Variants in PALM2AKAP2 observed in about 807,000 individuals in gnomAD.
PALM2AKAP2 encodes PALM2-AKAP2 fusion protein.
A neutral mutation model predicts 71.5 loss-of-function variants in PALM2AKAP2; 37 were observed. That is an observed-to-expected ratio of 0.52 (90% confidence interval 0.40 to 0.68). PALM2AKAP2 has a LOEUF of 0.68. Ranked by LOEUF, PALM2AKAP2 falls within the 30% of genes least tolerant of loss-of-function variation. The pLI, the probability that PALM2AKAP2 is intolerant of heterozygous loss-of-function variation, is 0.00. For synonymous variants in PALM2AKAP2, 468 were observed against 478.8 expected, an observed-to-expected ratio of 0.98 and a Z score of 0.29; for missense variants, 1,224 against 1,191.8, an observed-to-expected ratio of 1.03 and a Z score of -0.40.
Position 109,804,964 on chromosome 9 carries a change from T to C in PALM2AKAP2, c.45+24431T>C, listed in dbSNP as rs185359746. On this transcript the variant is annotated intron_variant, in intron 1 of 9. Transcript: ENST00000302798. Reference sequence around the variant, plus strand: ...TTTATATATTTGTAGTTATGCTCTCTATAAATTTTGCATCAAGCTTTTTTC... The same window carrying C: ...TTTATATATTTGTAGTTATGCTCTCCATAAATTTTGCATCAAGCTTTTTTC... 9.2e-5 allele frequency among the ~76,000 whole-genome samples: 14 copies of C among 152,334 alleles called. 1 individual carries two copies. Among genetic ancestry groups the C allele is most frequent in the African/African-American group, 2.9e-4 (12 of 41,578 alleles).
intron 6 of PALM2AKAP2, among the ~76,000 whole-genome samples, chr9:109,976,472 C>G (rs750588322): frequency 2.4e-4 from 37 of 152,158 alleles, no homozygotes; most frequent in Non-Finnish European, 4.4e-4. Flanking sequence ...AAGGATTACT[C>G]AGCTCTGAGA....
chr9:109,738,787 A>T (rs1324108436), intron 1 of PALM2AKAP2, among the ~76,000 whole-genome samples: 1 of 152,166 alleles, frequency 6.6e-6, no homozygotes, highest in African/African-American at 2.4e-5. Context: ...AAGCCCAAAA[A>T]CTGGGATTTG....
chr9:109,740,650 T>A (rs1316340616), intron 1 of PALM2AKAP2, among the ~76,000 whole-genome samples: 2 of 152,152 alleles, frequency 1.3e-5, no homozygotes, highest in Non-Finnish European at 2.9e-5. Flanking sequence ...TAGAATAATA[T>A]AAGGACTTTT....
At chr9:109,672,465 A>G (rs985675132) in intron 1 of PALM2AKAP2, among the ~76,000 whole-genome samples, 2 of 152,096 alleles carry the variant, frequency 1.3e-5, no homozygotes, top group African/African-American at 4.8e-5. Context: ...CTTGATTATG[A>G]TGGATAAGCT....
chr9:109,844,594 AAATGTAC>A (rs1451610621), intron 1 of PALM2AKAP2, among the ~76,000 whole-genome samples: 1 of 152,244 alleles, frequency 6.6e-6, no homozygotes, highest in Admixed American at 6.5e-5. Flanking sequence ...CTGTTTTTGT[AAATGTAC>A]AATGATTCCA....
chr9:109,659,899 GGT>G (rs1254091541), intron 1 of PALM2AKAP2, among the ~76,000 whole-genome samples: 1 of 151,974 alleles, frequency 6.6e-6, no homozygotes, highest in African/African-American at 2.4e-5. Flanking sequence ...GGAGTGCAGT[GGT>G]GTGATCATGG....
intron 7 of PALM2AKAP2, among the ~76,000 whole-genome samples, chr9:110,042,301 C>T (rs1202202617): frequency 6.6e-6 from 1 of 152,108 alleles, no homozygotes; most frequent in Non-Finnish European, 1.5e-5. Flanking sequence ...TGGTGTGTGC[C>T]TATAATCCCA....
chr9:109,797,832 T>C (rs1564153437), intron 1 of PALM2AKAP2, among the ~76,000 whole-genome samples: 1 of 152,234 alleles, frequency 6.6e-6, no homozygotes, highest in Non-Finnish European at 1.5e-5. Context: ...ATCTGTGGCT[T>C]TCACCAGGTA....
intron 1 of PALM2AKAP2, among the ~76,000 whole-genome samples, chr9:109,736,699 C>T (rs967601237): frequency 6.6e-6 from 1 of 152,094 alleles, no homozygotes; most frequent in Non-Finnish European, 1.5e-5. Context: ...GTACCCATCA[C>T]GTGAATAGTG....
chr9:109,844,958 T>TGTGC (rs1361967426), intron 1 of PALM2AKAP2, among the ~76,000 whole-genome samples: 3 of 148,804 alleles, frequency 2.0e-5, no homozygotes, highest in Admixed American at 1.3e-4. Context: ...TGTGTGTGTG[T>TGTGC]GCATGTGCAC....
chr9:109,662,398 G>T (rs1827412969), intron 1 of PALM2AKAP2, among the ~76,000 whole-genome samples: 1 of 152,132 alleles, frequency 6.6e-6, no homozygotes, highest in African/African-American at 2.4e-5. Context: ...TTTTGTCAAA[G>T]GCCTTTTCTG....
intron 1 of PALM2AKAP2, among the ~76,000 whole-genome samples, chr9:109,859,361 G>A (rs1390637098): frequency 6.6e-6 from 1 of 152,164 alleles, no homozygotes; most frequent in African/African-American, 2.4e-5. Context: ...AGGTTGGATA[G>A]CACAGTAAGG....
chr9:110,033,917 G>A (rs1358633939), intron 7 of PALM2AKAP2, among the ~76,000 whole-genome samples: 1 of 152,104 alleles, frequency 6.6e-6, no homozygotes, highest in African/African-American at 2.4e-5. Flanking sequence ...TATCCAATGA[G>A]TTCCATGAAC....
chr9:109,817,281 G>C (rs1353020254), intron 1 of PALM2AKAP2, among the ~76,000 whole-genome samples: 1 of 152,158 alleles, frequency 6.6e-6, no homozygotes, highest in African/African-American at 2.4e-5. Context: ...GGCCAATTTT[G>C]AGCTAGGAGT....
chr9:110,131,142 G>A (rs544604817), intron 1 of PALM2AKAP2, among the ~76,000 whole-genome samples: 2 of 152,246 alleles, frequency 1.3e-5, no homozygotes, highest in African/African-American at 4.8e-5. Context: ...GCACACAGCT[G>A]TATTAAATTG....
At chr9:109,707,161 A>C (rs1366797210) in intron 1 of PALM2AKAP2, among the ~76,000 whole-genome samples, 1 of 152,146 alleles carries the variant, frequency 6.6e-6, no homozygotes, top group African/African-American at 2.4e-5. Context: ...AAATAACCTT[A>C]GCCTCCTCTC....
At chr9:110,145,547 C>T (rs760556905) in intron 2 of PALM2AKAP2, among the ~76,000 whole-genome samples, 2 of 152,044 alleles carry the variant, frequency 1.3e-5, no homozygotes, top group Non-Finnish European at 2.9e-5. Context: ...TTTTGGTGTA[C>T]TAGGGTCAAA....
chr9:109,741,481 G>T (rs777338889), intron 1 of PALM2AKAP2, among the ~76,000 whole-genome samples: 1 of 152,176 alleles, frequency 6.6e-6, no homozygotes, highest in African/African-American at 2.4e-5. Flanking sequence ...ACCTAGGATT[G>T]AAACTGCTGG....
intron 1 of PALM2AKAP2, among the ~76,000 whole-genome samples, chr9:110,052,459 C>T (rs1054466774): frequency 2.3e-4 from 35 of 152,162 alleles, no homozygotes; most frequent in African/African-American, 8.2e-4. Context: ...ACAATTTGGA[C>T]ATTTTCCTTT....
Sources: gnomAD v4.1 joint callset for allele counts (sites outside exome capture counted in the v4.1 genomes callset) on GRCh38, gnomAD v4.1.1 for gene constraint, MANE v1.5 for transcripts, NCBI Gene and HGNC (gene_info 2026-07-23, HGNC 2026-07-21) for gene names.